Variants in CSMD1 observed in about 807,000 individuals in gnomAD.
CSMD1 encodes the protein CUB and sushi domain-containing protein 1.
Under a neutral mutation model 417.5 loss-of-function variants are expected in CSMD1, and 213 were observed. That is an observed-to-expected ratio of 0.51 (90% CI 0.46 to 0.57). The LOEUF is 0.57. Among genes scored for constraint, CSMD1 ranks in the 20% least tolerant of loss-of-function variants. CSMD1 has a pLI of 0.00. For synonymous variants in CSMD1, 2,862 were observed against 1,736.8 expected (o/e 1.65, Z -16.11); for missense variants, 6,923 against 4,529.7 (o/e 1.53, Z -15.17).
intron 5 of CSMD1, among the ~76,000 whole-genome samples, chr8:3,870,261 A>C (rs1432469403): frequency 6.6e-6 from 1 of 152,192 alleles, no homozygotes; most frequent in African/African-American, 2.4e-5. Flanking sequence ...AGATTATTCA[A>C]CTGTGTAAAC....
intron 1 of CSMD1, among the ~76,000 whole-genome samples, chr8:4,749,629 CAA>C (rs1196667253): frequency 6.6e-6 from 1 of 152,146 alleles, no homozygotes; most frequent in Non-Finnish European, 1.5e-5. Context: ...GTACCAGCGT[CAA>C]AAGTTTCACT....
intron 4 of CSMD1, among the ~76,000 whole-genome samples, chr8:4,021,111 A>C (rs1263250804): frequency 6.6e-6 from 1 of 152,224 alleles, no homozygotes; most frequent in Non-Finnish European, 1.5e-5. Context: ...ACAAGTTTAA[A>C]GTTGAGGCTC....
At chr8:3,541,554 A>G (rs1563136704) in intron 10 of CSMD1, among the ~76,000 whole-genome samples, 1 of 144,944 alleles carries the variant, frequency 6.9e-6, no homozygotes, top group Non-Finnish European at 1.5e-5. Flanking sequence ...AAATATGAGA[A>G]TAAATTAAAT....
chr8:4,944,660 T>C (rs34931756), intron 1 of CSMD1, among the ~76,000 whole-genome samples: 39,604 of 152,076 alleles, frequency 0.26, 6,293 homozygotes, highest in East Asian at 0.4. Context: ...TTCGATATTA[T>C]TGATCATTAG....
chr8:4,945,487 G>T (rs757944805), intron 1 of CSMD1, among the ~76,000 whole-genome samples: 2 of 144,150 alleles, frequency 1.4e-5, no homozygotes, highest in Non-Finnish European at 3.0e-5. Context: ...TTGAGCCCAA[G>T]AGTTTTAAAA....
intron 2 of CSMD1, among the ~76,000 whole-genome samples, chr8:4,541,893 G>A (rs902402711): frequency 4.6e-5 from 7 of 152,100 alleles, no homozygotes; most frequent in South Asian, 4.1e-4. Flanking sequence ...TGGAGGCGCC[G>A]CACCTGTAGC....
At chr8:4,153,699 G>A (rs943074481) in intron 3 of CSMD1, among the ~76,000 whole-genome samples, 3 of 152,098 alleles carry the variant, frequency 2.0e-5, no homozygotes, top group East Asian at 3.9e-4. Flanking sequence ...CCATCAATCC[G>A]GCAGTCCCAC....
chr8:4,905,576 T>G (rs1317509366), intron 1 of CSMD1, among the ~76,000 whole-genome samples: 1 of 151,798 alleles, frequency 6.6e-6, no homozygotes, highest in Admixed American at 6.6e-5. Flanking sequence ...TCCCAGCACT[T>G]TGGGAGGCCA....
intron 26 of CSMD1, among the ~76,000 whole-genome samples, chr8:3,263,273 GT>G (rs1451939029): frequency 1.3e-5 from 2 of 152,026 alleles, no homozygotes; most frequent in Admixed American, 6.6e-5. Context: ...TAATTTTTGT[GT>G]TTTTAGATAA....
chr8:3,603,181 G>T (rs995526426), intron 8 of CSMD1, among the ~76,000 whole-genome samples: 3 of 152,144 alleles, frequency 2.0e-5, no homozygotes, highest in Non-Finnish European at 4.4e-5. Context: ...CTTAAAAAAT[G>T]CAGTTGATGC....
chr8:3,308,731 A>AATTTTT (rs750152499), intron 23 of CSMD1, among the ~76,000 whole-genome samples: 70 of 75,842 alleles, frequency 9.2e-4, no homozygotes, highest in Middle Eastern at 0.017. Context: ...CCTACTTACA[A>AATTTTT]GTTTTTTTTT....
At chr8:4,602,481 G>A (rs777678895) in intron 2 of CSMD1, among the ~76,000 whole-genome samples, 51 of 152,264 alleles carry the variant, frequency 3.3e-4, no homozygotes, top group Admixed American at 9.2e-4. Flanking sequence ...GGCCAGAGCT[G>A]TCCAGCACAT....
chr8:4,725,686 T>C (rs1809384449), intron 1 of CSMD1, among the ~76,000 whole-genome samples: 1 of 152,208 alleles, frequency 6.6e-6, no homozygotes, highest in African/African-American at 2.4e-5. Context: ...GCCTTGCTTT[T>C]GGCATCTTGA....
chr8:4,234,410 T>A (rs1801925425), intron 3 of CSMD1, among the ~76,000 whole-genome samples: 1 of 152,082 alleles, frequency 6.6e-6, no homozygotes, highest in Non-Finnish European at 1.5e-5. Context: ...ACCACCTCAG[T>A]CTGCTCTTCC....
intron 40 of CSMD1, 58 bp from the exon 41 acceptor site, chr8:3,142,732 C>G (rs1032777878): frequency 1.4e-6 from 2 of 1,400,714 alleles, no homozygotes; most frequent in African/African-American, 2.8e-5. Flanking sequence ...AAAATCAATG[C>G]TCATAAAAAG....
At chr8:4,105,886 C>T (rs993366878) in intron 3 of CSMD1, among the ~76,000 whole-genome samples, 4 of 152,300 alleles carry the variant, frequency 2.6e-5, no homozygotes, top group East Asian at 3.9e-4. Context: ...GGACACAGCT[C>T]GGCTCTGTGC....
At chr8:3,676,496 G>GA (rs1487831273) in intron 7 of CSMD1, among the ~76,000 whole-genome samples, 2 of 152,156 alleles carry the variant, frequency 1.3e-5, no homozygotes, top group Admixed American at 1.3e-4. Context: ...TAAATTGCCT[G>GA]AAAAATTTTA....
intron 5 of CSMD1, among the ~76,000 whole-genome samples, chr8:3,969,449 T>G (rs746951722): frequency 6.6e-6 from 1 of 152,160 alleles, no homozygotes; most frequent in South Asian, 2.1e-4. Flanking sequence ...TCATGGTCAC[T>G]AGTGTTGTTT....
chr8:3,740,647 C>G (rs1436309398), intron 6 of CSMD1, among the ~76,000 whole-genome samples: 1 of 152,016 alleles, frequency 6.6e-6, no homozygotes, highest in Non-Finnish European at 1.5e-5. Flanking sequence ...AATGTAGGGA[C>G]CTGGGATGTA....
Sources: gnomAD v4.1 joint callset for allele counts (sites outside exome capture counted in the v4.1 genomes callset) on GRCh38, gnomAD v4.1.1 for gene constraint, MANE v1.5 for transcripts, NCBI Gene and HGNC (gene_info 2026-07-23, HGNC 2026-07-21) for gene names.